PES1: variants seen among roughly 807,000 people sequenced by gnomAD.
The protein encoded by PES1 is pescadillo ribosomal biogenesis factor 1.
PES1 carries 31 observed loss-of-function variants against 77.1 expected under a neutral mutation model. That is an observed-to-expected ratio of 0.40 (90% CI 0.30 to 0.54). The LOEUF (loss-of-function observed/expected upper bound fraction) is 0.54, where lower values mean the gene tolerates loss of function less well. Among genes scored for constraint, PES1 ranks in the 20% least tolerant of loss-of-function variants. The probability of loss-of-function intolerance (pLI) is 0.45; values close to 1 mark genes in which losing one functional copy is unlikely to be tolerated. For synonymous variants in PES1, 282 were observed against 303.0 expected (o/e 0.93, Z 0.72); for missense variants, 658 against 771.7 (o/e 0.85, Z 1.75).
chr22:30,580,780 A>G, intron 9 of PES1, 79 bp from the exon 10 acceptor site: 1 of 1,584,826 alleles, frequency 6.3e-7, no homozygotes, highest in South Asian at 1.1e-5. Context: ...GATAACGTCC[A>G]CTCCAGCTTC....
At position 30,591,845 on chromosome 22, in the gene PES1, G is replaced by C; in HGVS notation, c.-12C>G. 6.4e-7 allele frequency: 1 copy of C among 1,553,614 alleles called. No individual in the cohort carries two copies. Reference sequence around the variant, plus strand: ...TCAAGGCCTCCCATCGCTCCACGTTGAGGAGCCGACTAGGGCCGCGCGTAC... The same window carrying C: ...TCAAGGCCTCCCATCGCTCCACGTTCAGGAGCCGACTAGGGCCGCGCGTAC... On this transcript the variant is annotated 5_prime_UTR_variant, in exon 1 of 15. Transcript: ENST00000354694.
At chr22:30,577,380 G>C (rs189792029) in intron 14 of PES1, among the ~76,000 whole-genome samples, 1 of 152,190 alleles carries the variant, frequency 6.6e-6, no homozygotes, top group Non-Finnish European at 1.5e-5. Flanking sequence ...AAGGAGCCTT[G>C]GCAACTGCCC....
At position 30,584,294 on chromosome 22, in the gene PES1, C is replaced by G. The variant is rs996890878; in HGVS notation, c.630+71G>C. The G allele has an allele frequency of 1.6e-6, 2 of 1,232,314 alleles. 1 individual carries two copies. Among genetic ancestry groups the G allele is most frequent in the Non-Finnish European group, 2.3e-6 (2 of 856,548 alleles). The allele number at this position is 1,232,314 out of a possible 1,614,324, so 76.3% of individuals were successfully genotyped here. A position where few individuals can be genotyped will look rare whatever the true frequency, so the allele number is the denominator to read the frequency against. ...TGCTAAACTCCATGGACAGCAAAATCCCCCTTCCTCCACATCCATATCTGT... is the reference window on the plus strand; with the variant it reads ...TGCTAAACTCCATGGACAGCAAAATGCCCCTTCCTCCACATCCATATCTGT... On this transcript the variant is annotated intron_variant, in intron 6 of 14. Coordinates refer to ENST00000354694, the MANE Select transcript of PES1 (RefSeq NM_014303.4).
At position 30,588,044 on chromosome 22, in the gene PES1, C is replaced by A. The variant is rs764361553; in HGVS notation, c.235G>T (p.Val79Phe). Residue 79 changes from valine (V) to phenylalanine (F), a missense_variant, in exon 3 of 15, where the codon GTC (valine) becomes TTC (phenylalanine). Val to Phe is a conservative substitution (Grantham distance 50). Transcript: ENST00000354694. ...DIRFLLHEPI[V>F]NKFREYKVFV... ...ACCTTGTATTCACGGAACTTGTTGA[C>A]AATGGGTTCGTGGAGGAGAAACCTG... The A allele has an allele frequency of 3.1e-6, 5 of 1,614,048 alleles. No homozygotes were observed. In the South Asian group the frequency reaches 5.5e-5, roughly 18 times the overall value.
Position 30,587,306 on chromosome 22 carries a change from G to C in PES1, c.348C>G (p.Leu116=), listed in dbSNP as rs752499634. The C allele has an allele frequency of 2.5e-6, 4 of 1,612,460 alleles. No individual in the cohort carries two copies. Among genetic ancestry groups the C allele is most frequent in the African/African-American group, 1.3e-5 (1 of 74,856 alleles). The change falls in exon 4 of 15, where the codon CTC becomes CTG. Residue 116 remains leucine (L), a synonymous_variant. Coordinates refer to ENST00000354694, the MANE Select transcript of PES1 (RefSeq NM_014303.4). ...CTCACCGTTCCTTGATGATGTGGTC[G>C]AGTTTGTAGTTGGGCTTATTGTCCT... The part of the protein sequence containing the change: ...RLKDNKPNYK[L]DHIIKERYPT...
At chr22:30,603,264 C>T (rs190076229) in intron 2 of PES1, among the ~76,000 whole-genome samples, 14 of 152,264 alleles carry the variant, frequency 9.2e-5, no homozygotes, top group African/African-American at 2.9e-4. Flanking sequence ...TGGAGACTAC[C>T]AGTCATCCAG....
chr22:30,599,489 A>G (rs1167953946), intron 2 of PES1, among the ~76,000 whole-genome samples: 3 of 152,238 alleles, frequency 2.0e-5, no homozygotes, highest in Non-Finnish European at 4.4e-5. Context: ...TCAACAAAAT[A>G]AGTACGTATT....
At chr22:30,597,901 TGAGTCG>T (rs2087285836) in intron 2 of PES1, among the ~76,000 whole-genome samples, 1 of 124,836 alleles carries the variant, frequency 8.0e-6, no homozygotes, top group Non-Finnish European at 1.7e-5. Flanking sequence ...TTTTTTGTTT[TGAGTCG>T]GAGTCTCACT....
chr22:30,593,745 A>G (rs976154623), upstream of PES1, among the ~76,000 whole-genome samples: 4 of 151,998 alleles, frequency 2.6e-5, no homozygotes, highest in African/African-American at 9.7e-5. Context: ...CAGGGAAGCA[A>G]TTGTAATTTC....
chr22:30,603,203 G>A (rs944978641), intron 2 of PES1, among the ~76,000 whole-genome samples: 11 of 151,932 alleles, frequency 7.2e-5, no homozygotes, highest in Admixed American at 1.3e-4. Flanking sequence ...GAGCCACTGC[G>A]CCCAGCCACT....
intron 2 of PES1, among the ~76,000 whole-genome samples, chr22:30,597,194 G>A (rs1218860018): frequency 2.0e-5 from 3 of 151,908 alleles, no homozygotes; most frequent in African/African-American, 4.8e-5. Context: ...AACGAGCGCC[G>A]CCCCCTGCTC....
chr22:30,597,308 A>G (rs1178982537), intron 2 of PES1, among the ~76,000 whole-genome samples: 1 of 151,922 alleles, frequency 6.6e-6, no homozygotes, highest in African/African-American at 2.4e-5. Context: ...GAGCTCCAGT[A>G]GGTGAAGCCA....
exon 1 of PES1, chr22:30,606,986 G>T: frequency 1.4e-6 from 1 of 710,310 alleles, no homozygotes; most frequent in Non-Finnish European, 2.0e-6. Context: ...TCAGGCATCA[G>T]GCCCTCTGCG....
At chr22:30,578,807 C>G in intron 14 of PES1, 30 bp downstream of exon 14, 1 of 1,610,880 alleles carries the variant, frequency 6.2e-7, no homozygotes, top group Non-Finnish European at 8.5e-7. Flanking sequence ...GTGGCCACAC[C>G]TGGATCTCAA....
At chr22:30,579,073 G>C in intron 13 of PES1, 64 bp downstream of exon 13, 2 of 1,603,706 alleles carry the variant, frequency 1.2e-6, no homozygotes, top group African/African-American at 1.3e-5. Flanking sequence ...TGACCTTCTA[G>C]GCCAGAGCAG....
Position 30,576,994 on chromosome 22 carries a change from C to T in PES1, c.*52G>A. The T allele has an allele frequency of 6.8e-7, 1 of 1,474,690 alleles. No homozygotes were observed. The highest frequency in any genetic ancestry group is 9.5e-7 in the Non-Finnish European group (1 of 1,054,048). 91.4% of individuals were successfully genotyped at this position (1,474,690 alleles called of 1,614,324 possible). A position where few individuals can be genotyped will look rare whatever the true frequency, so the allele number is the denominator to read the frequency against. On this transcript the variant is annotated 3_prime_UTR_variant, in exon 15 of 15. Transcript: ENST00000354694. ...ACTTAGGTCCTCTGGCCTGCCTCTG[C>T]CACATCCAGCTGCTAGGGGCTGGCC... is the stretch of plus-strand genomic sequence containing the variant.
intron 2 of PES1, among the ~76,000 whole-genome samples, chr22:30,602,175 G>C (rs1222399911): frequency 6.6e-6 from 1 of 152,128 alleles, no homozygotes; most frequent in Non-Finnish European, 1.5e-5. Context: ...CTGGTGGGAG[G>C]TGACTGGATC....
intron 2 of PES1, among the ~76,000 whole-genome samples, chr22:30,598,008 C>G (rs986787654): frequency 6.6e-6 from 1 of 151,006 alleles, no homozygotes; most frequent in Non-Finnish European, 1.5e-5. Context: ...CTCAGCCTCC[C>G]AAGTAGCTGG....
chr22:30,580,743 C>T (rs755424997), intron 9 of PES1, 42 bp from the exon 10 acceptor site: 3 of 1,610,028 alleles, frequency 1.9e-6, no homozygotes, highest in Admixed American at 3.3e-5. Context: ...CAGGGCTGCC[C>T]ACCCCCACTG....
Sources: gnomAD v4.1 joint callset for allele counts (sites outside exome capture counted in the v4.1 genomes callset) on GRCh38, gnomAD v4.1.1 for gene constraint, MANE v1.5 for transcripts, NCBI Gene and HGNC (gene_info 2026-07-23, HGNC 2026-07-21) for gene names.